FAM120B: variants seen among roughly 807,000 people sequenced by gnomAD.
FAM120B encodes the protein constitutive coactivator of peroxisome proliferator-activated receptor gamma.
A neutral mutation model predicts 96.3 loss-of-function variants in FAM120B; 83 were observed. That is an observed-to-expected ratio of 0.86 (90% confidence interval 0.72 to 1.03). The LOEUF is 1.03. FAM120B is among the 50% of genes least tolerant of loss of function. The probability of loss-of-function intolerance (pLI) is 0.00; values close to 1 mark genes in which losing one functional copy is unlikely to be tolerated. For missense variants in FAM120B, 1,027 were observed against 1,121.2 expected, an observed-to-expected ratio of 0.92 and a Z score of 1.20; for synonymous variants, 407 against 402.7, an observed-to-expected ratio of 1.01 and a Z score of -0.13.
intron 3 of FAM120B, among the ~76,000 whole-genome samples, chr6:170,327,695 A>G (rs1429396946): frequency 2.6e-3 from 334 of 128,214 alleles, no homozygotes; most frequent in African/African-American, 0.01. Flanking sequence ...ATGACCATAC[A>G]CCGCTGTAGG....
intron 1 of FAM120B, among the ~76,000 whole-genome samples, chr6:170,314,903 T>C (rs948921936): frequency 3.3e-5 from 5 of 152,186 alleles, no homozygotes; most frequent in Non-Finnish European, 7.3e-5. Context: ...AATGTCACAC[T>C]CTAACTCATG....
At chr6:170,378,565 G>C (rs1388536549) in intron 6 of FAM120B, among the ~76,000 whole-genome samples, 2 of 152,264 alleles carry the variant, frequency 1.3e-5, no homozygotes, top group Non-Finnish European at 2.9e-5. Flanking sequence ...GTATCAGTGA[G>C]AGACGCCAAC....
intron 9 of FAM120B, among the ~76,000 whole-genome samples, chr6:170,399,173 G>A (rs56279638): frequency 2.8e-5 from 4 of 145,064 alleles, no homozygotes; most frequent in East Asian, 4.2e-4. Context: ...AGTGAGTGGG[G>A]AAGGTAGAAC....
In FAM120B at chr6:170,370,385, A is replaced by G. The variant is rs537473164; in HGVS notation, c.2283+12067A>G. 2.6e-5 allele frequency among the ~76,000 whole-genome samples: 4 copies of G among 152,202 alleles called. No individual in the cohort carries two copies. The South Asian group carries it at 6.2e-4, about 24-fold the overall frequency. On this transcript the variant is annotated intron_variant, in intron 6 of 10. Coordinates refer to ENST00000476287, the MANE Select transcript of FAM120B (RefSeq NM_032448.3). This position sits in a 1 kb window ranked among gnomAD's most constrained non-coding sequence, Gnocchi z 4.3. The stretch of plus-strand genomic sequence containing the variant: ...AGATGCCCCAGCCACCTGAGGGTCC[A>G]TCACCCTTCCTCTGGGGGGTGAGGC...
At chr6:170,293,577 A>G (rs112129328), upstream of FAM120B, among the ~76,000 whole-genome samples, 41 of 152,228 alleles carry the variant, frequency 2.7e-4, no homozygotes, top group South Asian at 2.9e-3. Flanking sequence ...TTCTTTTCCA[A>G]CTTAATTTAT....
intron 6 of FAM120B, 136 bp from the exon 7 acceptor site, chr6:170,388,151 G>T: frequency 2.8e-6 from 2 of 716,552 alleles, no homozygotes; most frequent in Non-Finnish European, 2.4e-6. Context: ...CAGCTTTGAG[G>T]ATGCAGCTAT....
At chr6:170,336,927 T>G (rs1786468246) in intron 4 of FAM120B, among the ~76,000 whole-genome samples, 1 of 152,204 alleles carries the variant, frequency 6.6e-6, no homozygotes, top group Non-Finnish European at 1.5e-5. Context: ...CTTAAGGAGT[T>G]TTTGGGCTGA....
intron 4 of FAM120B, among the ~76,000 whole-genome samples, chr6:170,343,234 A>G (rs60859908): frequency 0.021 from 3,234 of 152,320 alleles, 105 homozygotes; most frequent in African/African-American, 0.07. Context: ...AGGAGCTAAC[A>G]TTTTACCGCA....
At chr6:170,307,004 A>G (rs1327261860) in intron 1 of FAM120B, among the ~76,000 whole-genome samples, 162 bp downstream of exon 1, 1 of 152,078 alleles carries the variant, frequency 6.6e-6, no homozygotes, top group Non-Finnish European at 1.5e-5. Flanking sequence ...CGCGGCTGCG[A>G]CATCATGGGA....
Position 170,317,661 on chromosome 6 carries a change from G to A in FAM120B, c.271G>A (p.Gly91Ser). The change falls in exon 2 of 11, where the codon GGC (glycine) becomes AGC (serine). Residue 91 changes from glycine (G) to serine (S), a missense_variant. Around this residue, in one of 3 missense-constraint regions of FAM120B, gnomAD observed 880 missense variants for 980.9 expected, o/e 0.90. Transcript: ENST00000476287. Reference protein sequence around the residue: ...AGIKLIFFFDGMVEQDKRDEW... With the variant: ...AGIKLIFFFDSMVEQDKRDEW... ...GATCAAGTTGATATTCTTCTTTGATGGCATGGTGGAGCAGGATAAGAGAGA... is the reference window on the plus strand; with the variant it reads ...GATCAAGTTGATATTCTTCTTTGATAGCATGGTGGAGCAGGATAAGAGAGA... 6.2e-7 allele frequency: 1 copy of A among 1,614,164 alleles called. No homozygotes were observed. The highest frequency in any genetic ancestry group is 8.5e-7 in the Non-Finnish European group (1 of 1,180,034).
chr6:170,346,473 A>G (rs2115133098), intron 4 of FAM120B, among the ~76,000 whole-genome samples: 1 of 152,360 alleles, frequency 6.6e-6, no homozygotes, highest in Admixed American at 6.5e-5. Context: ...CTGTGATAAT[A>G]GAAGATTCAT....
intron 9 of FAM120B, among the ~76,000 whole-genome samples, chr6:170,400,455 A>C (rs1176436462): frequency 6.6e-6 from 1 of 152,128 alleles, no homozygotes; most frequent in African/African-American, 2.4e-5. Context: ...ATTTTCTTCC[A>C]GAGGCGGCCT....
intron 4 of FAM120B, among the ~76,000 whole-genome samples, chr6:170,334,973 A>G (rs186899952): frequency 7.3e-5 from 11 of 151,652 alleles, no homozygotes; most frequent in Admixed American, 7.2e-4. Flanking sequence ...TATTATAAAT[A>G]GGCTTTTGAA....
intron 2 of FAM120B, among the ~76,000 whole-genome samples, chr6:170,322,250 A>G (rs769902520): frequency 5.2e-5 from 8 of 152,388 alleles, no homozygotes; most frequent in Middle Eastern, 3.4e-3. Flanking sequence ...TGAGTGAATG[A>G]ATATAGTACG....
chr6:170,402,527 GAGTGAAGCACGCGT>G (rs1425311803), intron 9 of FAM120B, among the ~76,000 whole-genome samples: 7 of 152,382 alleles, frequency 4.6e-5, no homozygotes, highest in South Asian at 2.1e-4. Context: ...TGGCCCTGCT[GAGTGAAGCACGCGT>G]GACCAGGAGA....
At chr6:170,305,029 A>G (rs1407956733), upstream of FAM120B, among the ~76,000 whole-genome samples, 1 of 152,108 alleles carries the variant, frequency 6.6e-6, no homozygotes, top group African/African-American at 2.4e-5. Flanking sequence ...CACACGGTGG[A>G]AAGTGGGCAA....
At chr6:170,314,857 A>G (rs560352560) in intron 1 of FAM120B, among the ~76,000 whole-genome samples, 1 of 152,226 alleles carries the variant, frequency 6.6e-6, no homozygotes, top group South Asian at 2.1e-4. Context: ...TGCTATCCCA[A>G]TTTTTCTTGG....
chr6:170,369,689 G>GGT (rs1562575503), intron 6 of FAM120B, among the ~76,000 whole-genome samples: 1 of 133,642 alleles, frequency 7.5e-6, no homozygotes, highest in African/African-American at 2.7e-5. Context: ...ACTTAGGGTA[G>GGT]TTTTTTTTTT....
At chr6:170,381,048 A>G (rs1460046106) in intron 6 of FAM120B, among the ~76,000 whole-genome samples, 3 of 152,220 alleles carry the variant, frequency 2.0e-5, no homozygotes, top group African/African-American at 7.2e-5. Context: ...ATTTGAAGGT[A>G]TCAGTGAACT....
Sources: allele counts gnomAD v4.1 joint callset (sites outside exome capture counted in the v4.1 genomes callset), GRCh38; gene constraint gnomAD v4.1.1; regional missense constraint gnomAD v4.1.1; non-coding constraint Gnocchi (gnomAD v3.1); transcripts MANE v1.5; gene names NCBI Gene and HGNC (gene_info 2026-07-23, HGNC 2026-07-21).